Variants in CELF2 observed in about 807,000 individuals in gnomAD.
CELF2 encodes the protein CUG triplet repeat RNA-binding protein 2.
A neutral mutation model predicts 62.6 loss-of-function variants in CELF2; 8 were observed. The ratio of observed to expected loss-of-function variants is 0.13; its 90% CI spans 0.07 to 0.23. The LOEUF is 0.23. Ranked by LOEUF, CELF2 falls within the 10% of genes least tolerant of loss-of-function variation. The pLI is 1.00. For missense variants in CELF2, 333 were observed against 671.0 expected (o/e 0.50, Z 5.56); for synonymous variants, 258 against 250.0 (o/e 1.03, Z -0.30).
chr10:10,996,177 T>G (rs1345301159), intron 2 of CELF2, among the ~76,000 whole-genome samples: 2 of 152,244 alleles, frequency 1.3e-5, no homozygotes, highest in East Asian at 1.9e-4. Flanking sequence ...GTTGCTTTTC[T>G]GGAAATATTG....
chr10:11,289,574 G>A (rs998344932), intron 9 of CELF2, among the ~76,000 whole-genome samples: 25 of 152,176 alleles, frequency 1.6e-4, no homozygotes, highest in African/African-American at 3.9e-4. Flanking sequence ...GGATTGTTTC[G>A]AGGGAGAAGT....
At chr10:10,641,323 G>A in the CELF2 span, among the ~76,000 whole-genome samples, 12 of 152,170 alleles carry the variant, frequency 7.9e-5, no homozygotes, top group African/African-American at 2.2e-4. Context: ...TACTTTGTCC[G>A]GCTGTGCTCA....
the CELF2 span, among the ~76,000 whole-genome samples, chr10:10,761,905 CGTGTGTGTGTGTGT>C: frequency 3.9e-4 from 50 of 128,972 alleles, 1 homozygote; most frequent in South Asian, 5.9e-4. Context: ...TATAATAAAC[CGTGTGTGTGTGTGT>C]GTGTGTGTGT....
At chr10:10,510,581 A>G in the CELF2 span, among the ~76,000 whole-genome samples, 1 of 152,228 alleles carries the variant, frequency 6.6e-6, no homozygotes, top group Non-Finnish European at 1.5e-5. Flanking sequence ...TGGCACTGAC[A>G]GTGTGCTTCA....
chr10:10,763,264 C>T, the CELF2 span, among the ~76,000 whole-genome samples: 4 of 152,204 alleles, frequency 2.6e-5, no homozygotes, highest in Non-Finnish European at 5.9e-5. Context: ...GTCATTTGAG[C>T]AGTTCCAACA....
chr10:10,817,050 A>G (rs1220149025), intron 1 of CELF2, among the ~76,000 whole-genome samples: 1 of 152,236 alleles, frequency 6.6e-6, no homozygotes, highest in Admixed American at 6.5e-5. Flanking sequence ...TCCAGATGGT[A>G]CAGAACCAAC....
At chr10:10,961,978 G>A (rs952749000) in intron 2 of CELF2, among the ~76,000 whole-genome samples, 4 of 151,444 alleles carry the variant, frequency 2.6e-5, no homozygotes, top group South Asian at 2.1e-4. Context: ...CTTGTAATGC[G>A]GTACTTTGGG....
At chr10:10,763,335 G>A in the CELF2 span, among the ~76,000 whole-genome samples, 4 of 152,112 alleles carry the variant, frequency 2.6e-5, no homozygotes, top group South Asian at 4.1e-4. Context: ...ATCCCTCGTC[G>A]TGAGCCTTGT....
rs957333493 is a variant in CELF2, at chr10:10,983,013, C to G, written c.89+63014C>G. Among the ~76,000 whole-genome samples, 1 of 152,006 alleles carries G rather than the reference C, an allele frequency of 6.6e-6. No homozygotes were observed. Among genetic ancestry groups the G allele is most frequent in the Admixed American group, 6.5e-5 (1 of 15,268 alleles). On this transcript the variant is annotated intron_variant, in intron 2 of 13. Transcript: ENST00000636488. This position sits in a 1 kb window ranked among gnomAD's most constrained non-coding sequence, Gnocchi z 5.2. ...CAAGATATGCTGAATGAGCCCCTTC[C>G]CCCAGAAATGTTGCCATATTAATGG...
intron 1 of CELF2, among the ~76,000 whole-genome samples, chr10:11,118,047 C>A (rs1050554303): frequency 4.0e-5 from 6 of 151,362 alleles, no homozygotes; most frequent in Non-Finnish European, 8.8e-5. Context: ...GTCTTAGATG[C>A]TCAACAAATA....
the CELF2 span, among the ~76,000 whole-genome samples, chr10:10,762,071 T>G: frequency 6.6e-6 from 1 of 152,010 alleles, no homozygotes; most frequent in Non-Finnish European, 1.5e-5. Flanking sequence ...ACATGGCAAA[T>G]GAATTCATTA....
chr10:10,845,565 A>G (rs2058960651), intron 1 of CELF2, among the ~76,000 whole-genome samples: 1 of 152,192 alleles, frequency 6.6e-6, no homozygotes, highest in South Asian at 2.1e-4. Context: ...AAAGATATCA[A>G]AGAGAGATTC....
At position 11,224,805 on chromosome 10, in the gene CELF2, C is replaced by CA. The variant is rs1435072833; in HGVS notation, c.354+7303dup. Reference sequence around the variant, plus strand: ...TCGGAGCCTGGAGCTTTAGGCCACACAAAAAGCATACAGCATGGGTAGATG... The same window carrying CA: ...TCGGAGCCTGGAGCTTTAGGCCACACAAAAAAGCATACAGCATGGGTAGATG... On this transcript the variant is annotated intron_variant, in intron 3 of 12. Coordinates refer to ENST00000633077, the MANE Select transcript of CELF2 (RefSeq NM_001326342.2). This position sits in a 1 kb window ranked among gnomAD's most constrained non-coding sequence, Gnocchi z 4.5. Among the ~76,000 whole-genome samples the CA allele has an allele frequency of 6.6e-6, 1 of 152,054 alleles. No homozygotes were observed. The highest frequency in any genetic ancestry group is 1.5e-5 in the Non-Finnish European group (1 of 68,020).
At position 11,316,650 on chromosome 10, in the gene CELF2, A is replaced by G. The variant is rs1199681580; in HGVS notation, c.1096+2392A>G. 6.6e-6 allele frequency among the ~76,000 whole-genome samples: 1 copy of G among 152,144 alleles called. No individual in the cohort carries two copies. The highest frequency in any genetic ancestry group is 1.9e-4 in the East Asian group (1 of 5,194). On this transcript the variant is annotated intron_variant, in intron 10 of 12. Transcript: ENST00000633077. The surrounding 1 kb of genome is among the most constrained non-coding windows in gnomAD (Gnocchi z 4.4). ...ACTGCAGCAGCCATTATCTGTTTCC[A>G]TATGGAGAGTATTCAGGTTTTCTGA...
At chr10:10,956,934 T>C (rs2135882013) in intron 2 of CELF2, among the ~76,000 whole-genome samples, 1 of 149,788 alleles carries the variant, frequency 6.7e-6, no homozygotes, top group African/African-American at 2.5e-5. Flanking sequence ...ACACCGTCTC[T>C]TAAAAAAAAA....
At chr10:10,572,507 C>T in the CELF2 span, among the ~76,000 whole-genome samples, 2 of 152,008 alleles carry the variant, frequency 1.3e-5, no homozygotes, top group Admixed American at 6.6e-5. Flanking sequence ...CTCCCTCCCC[C>T]ACCCCACCTC....
At chr10:11,060,163 T>G (rs2066387697) in intron 1 of CELF2, among the ~76,000 whole-genome samples, 1 of 152,178 alleles carries the variant, frequency 6.6e-6, no homozygotes, top group African/African-American at 2.4e-5. Context: ...AACAGCCCCA[T>G]GATCTCAGAG....
At chr10:10,788,957 C>G in the CELF2 span, 1 of 152,126 alleles carries the variant, frequency 6.6e-6, no homozygotes, top group African/African-American at 2.4e-5. Flanking sequence ...CCCTTTGTTG[C>G]TACTGAGTTG....
chr10:11,067,792 A>G (rs749419535), intron 1 of CELF2, among the ~76,000 whole-genome samples: 1 of 152,162 alleles, frequency 6.6e-6, no homozygotes, highest in Non-Finnish European at 1.5e-5. Context: ...CTCTTTTCCT[A>G]TTTATTGGTT....
Sources: allele counts gnomAD v4.1 joint callset (sites outside exome capture counted in the v4.1 genomes callset), GRCh38; gene constraint gnomAD v4.1.1; non-coding constraint Gnocchi (gnomAD v3.1); transcripts MANE v1.5; gene names NCBI Gene and HGNC (gene_info 2026-07-23, HGNC 2026-07-21).